ABHD2: variants seen among roughly 807,000 people sequenced by gnomAD.
ABHD2 encodes the protein abhydrolase domain containing 2, acylglycerol lipase.
Under a neutral mutation model 48.1 loss-of-function variants are expected in ABHD2, and 20 were observed. The ratio of observed to expected loss-of-function variants is 0.42; its 90% CI spans 0.29 to 0.60. The LOEUF is 0.60. Ranked by LOEUF, ABHD2 falls within the 20% of genes least tolerant of loss-of-function variation. The pLI is 0.24. For missense variants in ABHD2, 405 were observed against 550.9 expected (o/e 0.74, Z 2.65); for synonymous variants, 209 against 214.2 (o/e 0.98, Z 0.21).
At chr15:89,101,148 C>A (rs1447543877) in intron 1 of ABHD2, among the ~76,000 whole-genome samples, 1 of 152,178 alleles carries the variant, frequency 6.6e-6, no homozygotes, top group African/African-American at 2.4e-5. Flanking sequence ...CCTCCAACAT[C>A]CTGTTTTAGC....
intron 3 of ABHD2, among the ~76,000 whole-genome samples, chr15:89,129,631 G>A (rs530111904): frequency 1.3e-5 from 2 of 152,076 alleles, no homozygotes; most frequent in Admixed American, 6.6e-5. Context: ...GCGAGCTGTT[G>A]CCCCCCGGGA....
At chr15:89,178,513 T>TCCTCAGTGAACCCCTC (rs1169453376) in intron 6 of ABHD2, among the ~76,000 whole-genome samples, 18 of 152,170 alleles carry the variant, frequency 1.2e-4, no homozygotes, top group Non-Finnish European at 2.2e-4. Flanking sequence ...GAGACCCGCT[T>TCCTCAGTGAACCCCTC]CCTCAGTGAA....
rs1410407358 is a variant in ABHD2 at position 89,092,676 on chromosome 15, C to T, written c.-107+4113C>T. ...TGAACTTCCAAGGGATTTTATACAT[C>T]TGTAAGCAAATTCGTTAAACATATT... On this transcript the variant is annotated intron_variant, in intron 1 of 10. Coordinates refer to ENST00000352732, the MANE Select transcript of ABHD2 (RefSeq NM_152924.5). The surrounding 1 kb of genome is among the most constrained non-coding windows in gnomAD (Gnocchi z 4.4). Among the ~76,000 whole-genome samples, 2 of 152,190 alleles carry T rather than the reference C, an allele frequency of 1.3e-5. No homozygotes were observed. Among genetic ancestry groups the T allele is most frequent in the Non-Finnish European group, 2.9e-5 (2 of 68,044 alleles).
Position 89,193,261 on chromosome 15 carries a change from T to C in ABHD2, c.1023T>C (p.Asn341=). Residue 341 remains asparagine, a synonymous_variant, in exon 10 of 11, where the codon AAT becomes AAC. Coordinates refer to ENST00000352732, the MANE Select transcript of ABHD2 (RefSeq NM_152924.5). ...HRIYVPLMLV[N]AADDPLVHES... ...TTTATGTTCCTCTCATGCTGGTTAA[T>C]GCAGCTGACGATCCGTTGGTGCATG... The C allele has an allele frequency of 6.2e-7, 1 of 1,614,258 alleles. No individual in the cohort carries two copies.
intron 8 of ABHD2, 47 bp from the exon 9 acceptor site, chr15:89,191,033 C>G: frequency 1.3e-6 from 2 of 1,584,150 alleles, no homozygotes; most frequent in African/African-American, 1.3e-5. Flanking sequence ...ATCTTAAAGA[C>G]CAATGTTTTG....
chr15:89,131,729 ATTATAATT>A (rs2150845796), intron 3 of ABHD2, among the ~76,000 whole-genome samples: 1 of 152,354 alleles, frequency 6.6e-6, no homozygotes, highest in South Asian at 2.1e-4. Flanking sequence ...TATTTCCATA[ATTATAATT>A]TTATAAACAC....
chr15:89,111,295 C>T lies in ABHD2; in HGVS notation c.-106-2430C>T, dbSNP rs139425651. Among the ~76,000 whole-genome samples, 298 of 152,308 alleles carry T rather than the reference C, an allele frequency of 2.0e-3. 2 individuals are homozygous for T. Among genetic ancestry groups the T allele is most frequent in the East Asian group, 0.014 (75 of 5,190 alleles). On this transcript the variant is annotated intron_variant, in intron 1 of 10. Coordinates refer to ENST00000352732, the MANE Select transcript of ABHD2 (RefSeq NM_152924.5). ...AGAAGTCGCCAATACTCTTATAACG[C>T]AGTGATTTTAGCATTCATAAAGATT...
At position 89,201,867 on chromosome 15, in the gene ABHD2, G is replaced by T; in HGVS notation, c.*6444G>T. The T allele has an allele frequency of 1.3e-6, 1 of 750,404 alleles. No individual in the cohort carries two copies. Among genetic ancestry groups the T allele is most frequent in the South Asian group, 1.6e-5 (1 of 62,496 alleles). The allele number at this position is 750,404 out of a possible 1,614,324, so 46.5% of individuals were successfully genotyped here. A position where few individuals can be genotyped will look rare whatever the true frequency, so the allele number is the denominator to read the frequency against. On this transcript the variant is annotated 3_prime_UTR_variant, in exon 11 of 11. Coordinates refer to ENST00000352732, the MANE Select transcript of ABHD2 (RefSeq NM_152924.5). Reference sequence around the variant, plus strand: ...GGGGCGGGGGACGATGGCGAGAGGGGAGGGGGAGCGAGTTCGCATCTCTCC... The same window carrying T: ...GGGGCGGGGGACGATGGCGAGAGGGTAGGGGGAGCGAGTTCGCATCTCTCC...
At position 89,164,168 on chromosome 15, in the gene ABHD2, G is replaced by A. The variant is rs891091456; in HGVS notation, c.538+8634G>A. 2.6e-5 allele frequency among the ~76,000 whole-genome samples: 4 copies of A among 152,142 alleles called. No individual in the cohort carries two copies. Among genetic ancestry groups the A allele is most frequent in the African/African-American group, 7.2e-5 (3 of 41,424 alleles). On this transcript the variant is annotated intron_variant, in intron 5 of 10. Transcript: ENST00000352732. The surrounding 1 kb of genome is among the most constrained non-coding windows in gnomAD (Gnocchi z 5.0). ...GCGATGGGAATACAGGTGTGGATTC[G>A]AGTCCCTGCCTTCAGGAAGATCCCA...
At chr15:89,105,455 T>C (rs996726155) in intron 1 of ABHD2, among the ~76,000 whole-genome samples, 1 of 152,254 alleles carries the variant, frequency 6.6e-6, no homozygotes, top group African/African-American at 2.4e-5. Context: ...CTTATGACTT[T>C]GTGGAAGAAA....
At chr15:89,191,005 C>A in intron 8 of ABHD2, 75 bp from the exon 9 acceptor site, 1 of 1,462,110 alleles carries the variant, frequency 6.8e-7, no homozygotes. Flanking sequence ...CTGGAGCCAT[C>A]GTCGGCTCAG....
At chr15:89,138,260 C>T (rs926045251) in intron 3 of ABHD2, among the ~76,000 whole-genome samples, 2 of 152,254 alleles carry the variant, frequency 1.3e-5, no homozygotes, top group Admixed American at 6.5e-5. Flanking sequence ...ACAGGAAGGC[C>T]TGGAACTCAG....
At position 89,184,654 on chromosome 15, in the gene ABHD2, G is replaced by T. The variant is rs546027028; in HGVS notation, c.723-770G>T. Among the ~76,000 whole-genome samples the T allele has an allele frequency of 6.6e-6, 1 of 152,318 alleles. No individual in the cohort carries two copies. The highest frequency in any genetic ancestry group is 2.1e-4 in the South Asian group (1 of 4,830). On this transcript the variant is annotated intron_variant, in intron 6 of 10. Coordinates refer to ENST00000352732, the MANE Select transcript of ABHD2 (RefSeq NM_152924.5). The surrounding 1 kb of genome is among the most constrained non-coding windows in gnomAD (Gnocchi z 5.1). Reference sequence around the variant, plus strand: ...GAAGCACATGGCCAGGGCTGGTGGTGCTGTCTCCTCCCTCTGCATGTGCTG... The same window carrying T: ...GAAGCACATGGCCAGGGCTGGTGGTTCTGTCTCCTCCCTCTGCATGTGCTG...
rs2051170743 is a variant in ABHD2, at chr15:89,184,415, G to A, written c.723-1009G>A. Among the ~76,000 whole-genome samples the A allele has an allele frequency of 6.6e-6, 1 of 152,328 alleles. No homozygotes were observed. The highest frequency in any genetic ancestry group is 2.1e-4 in the South Asian group (1 of 4,826). Reference sequence around the variant, plus strand: ...AACCTAGTAGAAGTAGTGACGTCCAGATCCATTCACAGGGTGGAGTCAGGC... The same window carrying A: ...AACCTAGTAGAAGTAGTGACGTCCAAATCCATTCACAGGGTGGAGTCAGGC... On this transcript the variant is annotated intron_variant, in intron 6 of 10. Coordinates refer to ENST00000352732, the MANE Select transcript of ABHD2 (RefSeq NM_152924.5). The surrounding 1 kb of genome is among the most constrained non-coding windows in gnomAD (Gnocchi z 5.1).
At chr15:89,152,882 T>A (rs1399951344) in intron 4 of ABHD2, among the ~76,000 whole-genome samples, 1 of 152,238 alleles carries the variant, frequency 6.6e-6, no homozygotes, top group African/African-American at 2.4e-5. Context: ...TTTTGAATGC[T>A]ATTGCTACCA....
intron 3 of ABHD2, chr15:89,135,725 G>T: frequency 7.9e-7 from 1 of 1,262,382 alleles, no homozygotes; most frequent in African/African-American, 1.5e-5. Flanking sequence ...CTTCAGCTTC[G>T]CAGCCTTCTT....
At chr15:89,096,365 T>C (rs2049613394) in intron 1 of ABHD2, among the ~76,000 whole-genome samples, 1 of 152,256 alleles carries the variant, frequency 6.6e-6, no homozygotes, top group Non-Finnish European at 1.5e-5. Flanking sequence ...TGTTTGTGCA[T>C]TTTAAGAAAT....
chr15:89,113,928 C>T (rs1372458200), intron 2 of ABHD2, 104 bp downstream of exon 2: 1 of 152,172 alleles, frequency 6.6e-6, no homozygotes, highest in African/African-American at 2.4e-5. Flanking sequence ...TTCAACAAGT[C>T]CACCCCAAAC....
rs1053673445 is a variant in ABHD2 at position 89,173,498 on chromosome 15, G to C, written c.539-2314G>C. The stretch of plus-strand genomic sequence containing the variant: ...TGAGGCAGGAGGATCGCTTGAACCT[G>C]AGAGGCAGAGGTTGTAGTGAGCCAA... On this transcript the variant is annotated intron_variant, in intron 5 of 10. Coordinates refer to ENST00000352732, the MANE Select transcript of ABHD2 (RefSeq NM_152924.5). The surrounding 1 kb of genome is among the most constrained non-coding windows in gnomAD (Gnocchi z 6.5). Among the ~76,000 whole-genome samples, 1 of 152,226 alleles carries C rather than the reference G, an allele frequency of 6.6e-6. No homozygotes were observed. The highest frequency in any genetic ancestry group is 2.4e-5 in the African/African-American group (1 of 41,462).
Sources: gnomAD v4.1 joint callset for allele counts (sites outside exome capture counted in the v4.1 genomes callset) on GRCh38, gnomAD v4.1.1 for gene constraint, Gnocchi (gnomAD v3.1) non-coding constraint, MANE v1.5 for transcripts, NCBI Gene and HGNC (gene_info 2026-07-23, HGNC 2026-07-21) for gene names.